FANCF: variants seen among roughly 807,000 people sequenced by gnomAD.
FANCF encodes the protein Fanconi anemia group F protein.
For synonymous variants in FANCF, 257 were observed against 205.9 expected (o/e 1.25, Z -2.13); for missense variants, 552 against 481.8 (o/e 1.15, Z -1.36).
Position 22,625,349 on chromosome 11 carries a change from G to T in FANCF, c.462C>A (p.Asn154Lys). 6.2e-7 allele frequency: 1 copy of T among 1,614,222 alleles called. No individual in the cohort carries two copies. Among genetic ancestry groups the T allele is most frequent in the Non-Finnish European group, 8.5e-7 (1 of 1,180,042 alleles). ...HMLRFNGYRE[N>K]PNLQEDSLMK... ...TCAGAGAGTCCTCCTGGAGATTTGG[G>T]TTCTCTCTATAGCCATTGAAGCGCA... Residue 154 changes from asparagine (N) to lysine (K), a missense_variant, in exon 1 of 1, where the codon AAC becomes AAA. Physicochemically the swap from Asn to Lys is moderately conservative, Grantham distance 94. Coordinates refer to ENST00000327470, the MANE Select transcript of FANCF (RefSeq NM_022725.4).
chr11:22,622,864 T>A lies in FANCF; in HGVS notation c.*1822A>T, dbSNP rs1332678766. 1.6e-5 allele frequency: 3 copies of A among 191,528 alleles called. No individual in the cohort carries two copies. The highest frequency in any genetic ancestry group is 3.3e-5 in the Non-Finnish European group (3 of 91,540). The allele number at this position is 191,528 out of a possible 1,614,324, so 11.9% of individuals were successfully genotyped here. On this transcript the variant is annotated 3_prime_UTR_variant, in exon 1 of 1. Coordinates refer to ENST00000327470, the MANE Select transcript of FANCF (RefSeq NM_022725.4). The stretch of plus-strand genomic sequence containing the variant: ...ATAACAGAATAATAAATGGTAAGTA[T>A]AAAATAGATTTTAAAATGTTATTTC...
rs144503236 is a variant in FANCF, at chr11:22,625,577, C to A, written c.234G>T (p.Pro78=). 6.2e-7 allele frequency: 1 copy of A among 1,613,930 alleles called. No individual in the cohort carries two copies. The highest frequency in any genetic ancestry group is 8.5e-7 in the Non-Finnish European group (1 of 1,180,002). The change falls in exon 1 of 1, where the codon CCG becomes CCT. Residue 78 remains proline (P), a synonymous_variant. Coordinates refer to ENST00000327470, the MANE Select transcript of FANCF (RefSeq NM_022725.4). ...QEGGFGRGPV[P]GLANFQALGH... Reference sequence around the variant, plus strand: ...CGAGGGCCTGGAAGTTCGCTAATCCCGGAACTGGACCCCGCCCAAAGCCGC... The same window carrying A: ...CGAGGGCCTGGAAGTTCGCTAATCCAGGAACTGGACCCCGCCCAAAGCCGC...
Position 22,624,985 on chromosome 11 carries a change from C to A in FANCF, c.826G>T (p.Gly276Cys). 6.2e-7 allele frequency: 1 copy of A among 1,614,118 alleles called. No homozygotes were observed. The highest frequency in any genetic ancestry group is 8.5e-7 in the Non-Finnish European group (1 of 1,180,026). Residue 276 changes from glycine to cysteine, a missense_variant, in exon 1 of 1, where the codon GGT becomes TGT. Physicochemically the swap from Gly to Cys is radical, Grantham distance 159. Transcript: ENST00000327470. ...CGTTGACCCCAGTCTGTTAGCAGAC[C>A]CAGATAGACAGGAGACAGCGCTGGG... is the stretch of plus-strand genomic sequence containing the variant. ...RHPALSPVYL[G>C]LLTDWGQRLH...
In FANCF at chr11:22,625,091, C is replaced by G. The variant is rs2133796975; in HGVS notation, c.720G>C (p.Trp240Cys). ...CAAAGACTTCCGAATTCCCCAGAAG[C>G]CAGTGGACTAGCACTTGGCTCCCCT... Reference protein sequence around the residue: ...PGEGSQVLVHWLLGNSEVFAA... With the variant: ...PGEGSQVLVHCLLGNSEVFAA... Residue 240 changes from tryptophan (W) to cysteine (C), a missense_variant, in exon 1 of 1, where the codon TGG becomes TGC. By Grantham distance (215) the Trp-to-Cys change is radical. Transcript: ENST00000327470. The G allele has an allele frequency of 6.2e-7, 1 of 1,613,560 alleles. No homozygotes were observed. The highest frequency in any genetic ancestry group is 8.5e-7 in the Non-Finnish European group (1 of 1,179,638).
At position 22,625,717 on chromosome 11, in the gene FANCF, G is replaced by A. The variant is rs756183029; in HGVS notation, c.94C>T (p.Arg32Cys). The A allele has an allele frequency of 1.2e-6, 2 of 1,614,158 alleles. No homozygotes were observed. The highest frequency in any genetic ancestry group is 2.2e-5 in the East Asian group (1 of 44,874). The change falls in exon 1 of 1, where the codon CGC (arginine) becomes TGC (cysteine). Residue 32 changes from arginine (R) to cysteine (C), a missense_variant. By Grantham distance (180) the Arg-to-Cys change is radical. Coordinates refer to ENST00000327470, the MANE Select transcript of FANCF (RefSeq NM_022725.4). Reference protein sequence around the residue: ...YVSTWDPATVRRALQWARYLR... With the variant: ...YVSTWDPATVCRALQWARYLR... ...TAGCGCGCCCACTGCAAGGCCCGGC[G>A]CACGGTGGCGGGGTCCCAGGTGCTG... is the stretch of plus-strand genomic sequence containing the variant.
In FANCF at chr11:22,624,925, C is replaced by T. The variant is rs1858618210; in HGVS notation, c.886G>A (p.Gly296Arg). The T allele has an allele frequency of 1.9e-6, 3 of 1,614,150 alleles. No homozygotes were observed. Among genetic ancestry groups the T allele is most frequent in the Non-Finnish European group, 2.5e-6 (3 of 1,180,032 alleles). Residue 296 changes from glycine (G) to arginine (R), a missense_variant, in exon 1 of 1, where the codon GGA becomes AGA. Gly to Arg is a moderately radical substitution (Grantham distance 125). Transcript: ENST00000327470. Reference sequence around the variant, plus strand: ...CAGGGCACATCTTGGGACTCAGTTCCAACCCAAATGCCTTTCTGAAGGTCA... The same window carrying T: ...CAGGGCACATCTTGGGACTCAGTTCTAACCCAAATGCCTTTCTGAAGGTCA... ...HYDLQKGIWVGTESQDVPWEE... is the reference protein window; with the variant it reads ...HYDLQKGIWVRTESQDVPWEE...
Position 22,623,855 on chromosome 11 carries a change from A to G in FANCF, c.*831T>C, listed in dbSNP as rs998227118. On this transcript the variant is annotated 3_prime_UTR_variant, in exon 1 of 1. Coordinates refer to ENST00000327470, the MANE Select transcript of FANCF (RefSeq NM_022725.4). ...TAAAAATACAAAAAATTAGCCGGGC[A>G]TGGTGGCCTGCGCCTGTAATCCCAG... The G allele has an allele frequency of 5.4e-6, 1 of 185,834 alleles. No individual in the cohort carries two copies. 11.5% of individuals were successfully genotyped at this position (185,834 alleles called of 1,614,324 possible).
In FANCF at chr11:22,625,610, C is replaced by T. The variant is rs765970178; in HGVS notation, c.201G>A (p.Arg67=). The part of the protein sequence containing the change: ...ALERRLHNQW[R]QEGGFGRGPV... The stretch of plus-strand genomic sequence containing the variant: ...GACCCCGCCCAAAGCCGCCCTCTTG[C>T]CTCCACTGGTTGTGCAGCCGCCGCT... Residue 67 remains arginine, a synonymous_variant, in exon 1 of 1, where the codon AGG becomes AGA. Transcript: ENST00000327470. 5.6e-6 allele frequency: 9 copies of T among 1,613,670 alleles called. No individual in the cohort carries two copies. The highest frequency in any genetic ancestry group is 5.9e-6 in the Non-Finnish European group (7 of 1,179,974).
Position 22,625,092 on chromosome 11 carries a change from C to A in FANCF, c.719G>T (p.Trp240Leu). The A allele has an allele frequency of 6.2e-7, 1 of 1,613,600 alleles. No individual in the cohort carries two copies. Among genetic ancestry groups the A allele is most frequent in the South Asian group, 1.1e-5 (1 of 91,068 alleles). ...PGEGSQVLVHWLLGNSEVFAA... is the reference protein window; with the variant it reads ...PGEGSQVLVHLLLGNSEVFAA... Reference sequence around the variant, plus strand: ...AAAGACTTCCGAATTCCCCAGAAGCCAGTGGACTAGCACTTGGCTCCCCTC... The same window carrying A: ...AAAGACTTCCGAATTCCCCAGAAGCAAGTGGACTAGCACTTGGCTCCCCTC... The change falls in exon 1 of 1, where the codon TGG (tryptophan) becomes TTG (leucine). Residue 240 changes from tryptophan (W) to leucine (L), a missense_variant. By Grantham distance (61) the Trp-to-Leu change is moderately conservative (BLOSUM62 -2). Coordinates refer to ENST00000327470, the MANE Select transcript of FANCF (RefSeq NM_022725.4).
Position 22,624,680 on chromosome 11 carries a change from C to T in FANCF, c.*6G>A, listed in dbSNP as rs2133796063. 1 of 1,613,082 alleles carries T rather than the reference C, an allele frequency of 6.2e-7. No homozygotes were observed. The highest frequency in any genetic ancestry group is 8.5e-7 in the Non-Finnish European group (1 of 1,179,032). On this transcript the variant is annotated 3_prime_UTR_variant, in exon 1 of 1. Transcript: ENST00000327470. ...ATTCTATATTCAAGTAATAACACAG[C>T]ATTGCCTATACAGAACTGAGGCCTG...
Position 22,625,623 on chromosome 11 carries a change from T to G in FANCF, c.188A>C (p.His63Pro), listed in dbSNP as rs778152023. The change falls in exon 1 of 1, where the codon CAC becomes CCC. Residue 63 changes from histidine to proline, a missense_variant. Physicochemically the swap from His to Pro is moderately conservative, Grantham distance 77. Coordinates refer to ENST00000327470, the MANE Select transcript of FANCF (RefSeq NM_022725.4). Reference sequence around the variant, plus strand: ...GCCGCCCTCTTGCCTCCACTGGTTGTGCAGCCGCCGCTCCAGAGCCGTGCG... The same window carrying G: ...GCCGCCCTCTTGCCTCCACTGGTTGGGCAGCCGCCGCTCCAGAGCCGTGCG... ...PIRTALERRL[H>P]NQWRQEGGFG... The G allele has an allele frequency of 1.2e-6, 2 of 1,613,534 alleles. No homozygotes were observed. Among genetic ancestry groups the G allele is most frequent in the East Asian group, 4.5e-5 (2 of 44,880 alleles).
Position 22,625,711 on chromosome 11 carries a change from C to T in FANCF, c.100G>A (p.Ala34Thr), listed in dbSNP as rs765603940. ...CGCAGGTAGCGCGCCCACTGCAAGG[C>T]CCGGCGCACGGTGGCGGGGTCCCAG... is the stretch of plus-strand genomic sequence containing the variant. ...STWDPATVRR[A>T]LQWARYLRHI... The change falls in exon 1 of 1, where the codon GCC becomes ACC. Residue 34 changes from alanine to threonine, a missense_variant. Coordinates refer to ENST00000327470, the MANE Select transcript of FANCF (RefSeq NM_022725.4). The T allele has an allele frequency of 2.5e-5, 40 of 1,613,996 alleles. No individual in the cohort carries two copies. Among genetic ancestry groups the T allele is most frequent in the South Asian group, 9.9e-5 (9 of 91,082 alleles).
rs1858619208 is a variant in FANCF, at chr11:22,624,971, G to A, written c.840C>T (p.Asp280=). ...LSPVYLGLLT[D]WGQRLHYDLQ... ...GGTCATAGTGCAAACGTTGACCCCA[G>A]TCTGTTAGCAGACCCAGATAGACAG... The change falls in exon 1 of 1, where the codon GAC becomes GAT. Residue 280 remains aspartate (D), a synonymous_variant. Coordinates refer to ENST00000327470, the MANE Select transcript of FANCF (RefSeq NM_022725.4). 1.2e-6 allele frequency: 2 copies of A among 1,614,198 alleles called. No individual in the cohort carries two copies. Among genetic ancestry groups the A allele is most frequent in the Non-Finnish European group, 1.7e-6 (2 of 1,180,048 alleles).
In FANCF at chr11:22,625,498, C is replaced by T; in HGVS notation, c.313G>A (p.Asp105Asn). ...LRLLENRALG[D>N]AARYHLVQQL... ...TGCACCAGGTGGTAACGAGCTGCAT[C>T]CCCGAGGGCCCGGTTCTCCAGCAGG... Residue 105 changes from aspartate (D) to asparagine (N), a missense_variant, in exon 1 of 1, where the codon GAT (aspartate) becomes AAT (asparagine). Coordinates refer to ENST00000327470, the MANE Select transcript of FANCF (RefSeq NM_022725.4). 2.5e-6 allele frequency: 4 copies of T among 1,614,212 alleles called. No homozygotes were observed. The highest frequency in any genetic ancestry group is 4.5e-5 in the East Asian group (2 of 44,878).
chr11:22,623,151 A>T lies in FANCF; in HGVS notation c.*1535T>A, dbSNP rs886048151. Reference sequence around the variant, plus strand: ...GGATTAGAAAAAGGAATCAGACCACAAGGAAAAAGAAATTGCTGGTTTTCA... The same window carrying T: ...GGATTAGAAAAAGGAATCAGACCACTAGGAAAAAGAAATTGCTGGTTTTCA... On this transcript the variant is annotated 3_prime_UTR_variant, in exon 1 of 1. Coordinates refer to ENST00000327470, the MANE Select transcript of FANCF (RefSeq NM_022725.4). 2.4e-5 allele frequency: 5 copies of T among 211,136 alleles called. No individual in the cohort carries two copies. In the East Asian group the frequency reaches 3.6e-4, roughly 15 times the overall value. The allele number at this position is 211,136 out of a possible 1,614,324, so 13.1% of individuals were successfully genotyped here.
In FANCF at chr11:22,625,558, CCTGGAAGTTCGCTAATCCCGGAA is replaced by C. The variant is rs730880277; in HGVS notation, c.230_252del (p.Val77GlyfsTer6). On this transcript the variant is annotated frameshift_variant, in exon 1 of 1. Coordinates refer to ENST00000327470, the MANE Select transcript of FANCF (RefSeq NM_022725.4). LOFTEE classifies it low-confidence loss of function (END_TRUNC). ...AGCAGGACGTCACAGTGACCGAGGG[CCTGGAAGTTCGCTAATCCCGGAA>C]CTGGACCCCGCCCAAAGCCGCCCTC... 5.6e-6 allele frequency: 9 copies of C among 1,613,946 alleles called. No homozygotes were observed. In the African/African-American group the frequency reaches 9.3e-5, roughly 17 times the overall value.
Position 22,624,697 on chromosome 11 carries a change from T to C in FANCF, c.1114A>G (p.Ser372Gly), listed in dbSNP as rs760590516. ...TAACACAGCATTGCCTATACAGAAC[T>C]GAGGCCTGCGCTGAGACCCAAAACT... The part of the protein sequence containing the change: ...RQVLGLSAGL[S>G]SV The change falls in exon 1 of 1, where the codon AGT (serine) becomes GGT (glycine). Residue 372 changes from serine to glycine, a missense_variant. Physicochemically the swap from Ser to Gly is moderately conservative, Grantham distance 56. Coordinates refer to ENST00000327470, the MANE Select transcript of FANCF (RefSeq NM_022725.4). 3 of 1,614,012 alleles carry C rather than the reference T, an allele frequency of 1.9e-6. No homozygotes were observed. In the African/African-American group the frequency reaches 4.0e-5, roughly 22 times the overall value.
Position 22,624,280 on chromosome 11 carries a change from C to A in FANCF, c.*406G>T. The A allele has an allele frequency of 6.8e-6, 2 of 293,060 alleles. No homozygotes were observed. The highest frequency in any genetic ancestry group is 1.3e-5 in the Non-Finnish European group (2 of 153,714). 18.2% of individuals were successfully genotyped at this position (293,060 alleles called of 1,614,324 possible). A position where few individuals can be genotyped will look rare whatever the true frequency, so the allele number is the denominator to read the frequency against. ...TTTCAAACCAATATTCCTGACACTG[C>A]CAGGAATAAAGAAAACTCTTCACTA... is the stretch of plus-strand genomic sequence containing the variant. On this transcript the variant is annotated 3_prime_UTR_variant, in exon 1 of 1. Transcript: ENST00000327470.
rs764519472 is a variant in FANCF at position 22,625,733 on chromosome 11, C to G, written c.78G>C (p.Trp26Cys). Residue 26 changes from tryptophan to cysteine, a missense_variant, in exon 1 of 1, where the codon TGG (tryptophan) becomes TGC (cysteine). Physicochemically the swap from Trp to Cys is radical, Grantham distance 215. Transcript: ENST00000327470. ...AVSSTTYVST[W>C]DPATVRRALQ... is the part of the protein sequence containing the mutation. ...AGGCCCGGCGCACGGTGGCGGGGTC[C>G]CAGGTGCTGACGTAGGTAGTGCTTG... 6.2e-7 allele frequency: 1 copy of G among 1,614,166 alleles called. No homozygotes were observed. Among genetic ancestry groups the G allele is most frequent in the East Asian group, 2.2e-5 (1 of 44,876 alleles).
Sources: allele counts gnomAD v4.1 joint callset, GRCh38; gene constraint gnomAD v4.1.1; transcripts MANE v1.5; gene names NCBI Gene and HGNC (gene_info 2026-07-23, HGNC 2026-07-21).